Variants in FGF14 observed in about 807,000 individuals in gnomAD.
The protein encoded by FGF14 is fibroblast growth factor homologous factor 4.
In FGF14, 5 loss-of-function variants were observed where a neutral mutation model predicts 25.5. The observed-to-expected ratio is 0.20, with a 90% confidence interval of 0.10 to 0.41. FGF14 has a LOEUF of 0.41. Among genes scored for constraint, FGF14 ranks in the 10% least tolerant of loss-of-function variants. The pLI is 1.00. For synonymous variants in FGF14, 138 were observed against 118.3 expected (o/e 1.17, Z -1.08); for missense variants, 222 against 320.1 (o/e 0.69, Z 2.34).
intron 1 of FGF14, among the ~76,000 whole-genome samples, chr13:102,288,721 G>A (rs7996411): frequency 1.3e-5 from 2 of 151,746 alleles, no homozygotes. Context: ...AGTAGCTGAG[G>A]TTACAGGCGC....
At position 101,875,316 on chromosome 13, in the gene FGF14, A is replaced by G. The variant is rs367892182; in HGVS notation, c.194-20T>C. On this transcript the variant is annotated intron_variant, in intron 1 of 4. Transcript: ENST00000376143. Reference sequence around the variant, plus strand: ...GGGGATCTGAAAGGCAAACATAGTTATCATAAGCCTCACAATGTGTCACCA... The same window carrying G: ...GGGGATCTGAAAGGCAAACATAGTTGTCATAAGCCTCACAATGTGTCACCA... The G allele has an allele frequency of 4.6e-6, 7 of 1,512,542 alleles. No individual in the cohort carries two copies. The highest frequency in any genetic ancestry group is 6.4e-6 in the Non-Finnish European group (7 of 1,087,594). 93.7% of individuals were successfully genotyped at this position (1,512,542 alleles called of 1,614,324 possible). A position where few individuals can be genotyped will look rare whatever the true frequency, so the allele number is the denominator to read the frequency against.
chr13:101,912,928 A>C (rs1476429503), intron 1 of FGF14, among the ~76,000 whole-genome samples: 2 of 152,152 alleles, frequency 1.3e-5, no homozygotes, highest in African/African-American at 4.8e-5. Context: ...TTGAGAGCCT[A>C]TGAAGATGCA....
intron 1 of FGF14, among the ~76,000 whole-genome samples, chr13:102,169,169 C>T (rs1304143256): frequency 6.6e-6 from 1 of 151,518 alleles, no homozygotes; most frequent in Non-Finnish European, 1.5e-5. Context: ...TTTAAGTCAG[C>T]AAGGCTGCTC....
At chr13:101,838,209 T>C (rs899012043) in intron 3 of FGF14, among the ~76,000 whole-genome samples, 1 of 151,994 alleles carries the variant, frequency 6.6e-6, no homozygotes, top group Non-Finnish European at 1.5e-5. Flanking sequence ...AACCTTGACA[T>C]ATACAGTCCT....
At chr13:101,824,087 T>C (rs1321666873) in intron 3 of FGF14, among the ~76,000 whole-genome samples, 1 of 152,166 alleles carries the variant, frequency 6.6e-6, no homozygotes, top group Non-Finnish European at 1.5e-5. Flanking sequence ...ATATTATTTG[T>C]CCAAAGTACT....
At chr13:101,902,738 G>C (rs752433253) in intron 1 of FGF14, among the ~76,000 whole-genome samples, 2 of 152,074 alleles carry the variant, frequency 1.3e-5, no homozygotes, top group African/African-American at 2.4e-5. Flanking sequence ...GTTTTATCAA[G>C]GGATGTCTTT....
intron 1 of FGF14, among the ~76,000 whole-genome samples, chr13:102,253,059 C>T (rs189985099): frequency 6.6e-6 from 1 of 152,286 alleles, no homozygotes; most frequent in Non-Finnish European, 1.5e-5. Context: ...ATTCTTTATC[C>T]AGTCTATAAT....
intron 1 of FGF14, chr13:102,002,882 G>T (rs528149946): frequency 3.3e-5 from 5 of 152,004 alleles, no homozygotes; most frequent in African/African-American, 1.2e-4. Flanking sequence ...AAACCCAACA[G>T]ATGATATGGG....
intron 1 of FGF14, among the ~76,000 whole-genome samples, chr13:102,234,120 T>C (rs572817289): frequency 6.6e-6 from 1 of 152,174 alleles, no homozygotes; most frequent in East Asian, 1.9e-4. Flanking sequence ...AGATGGAAGG[T>C]GGTGATGGTT....
At chr13:101,938,155 G>A (rs1340531208) in intron 1 of FGF14, among the ~76,000 whole-genome samples, 1 of 152,158 alleles carries the variant, frequency 6.6e-6, no homozygotes, top group Non-Finnish European at 1.5e-5. Context: ...GGTCGGAATG[G>A]TCAACCCATC....
At chr13:102,206,037 A>G (rs11616430) in intron 1 of FGF14, among the ~76,000 whole-genome samples, 1 of 115,584 alleles carries the variant, frequency 8.7e-6, no homozygotes, top group Admixed American at 9.9e-5. Flanking sequence ...AAAAAAAAGC[A>G]TTAGATTCCA....
chr13:101,733,052 T>A (rs2035914917), intron 3 of FGF14, among the ~76,000 whole-genome samples: 1 of 152,200 alleles, frequency 6.6e-6, no homozygotes, highest in Admixed American at 6.5e-5. Flanking sequence ...AGAGTACTCT[T>A]AAGATTACTT....
intron 1 of FGF14, among the ~76,000 whole-genome samples, chr13:102,244,382 C>T (rs2051752489): frequency 6.6e-6 from 1 of 151,746 alleles, no homozygotes; most frequent in East Asian, 1.9e-4. Flanking sequence ...TCTCTGGTTT[C>T]CTAGGGTTCT....
chr13:101,810,800 A>G (rs1412973659), intron 3 of FGF14, among the ~76,000 whole-genome samples: 4 of 152,074 alleles, frequency 2.6e-5, no homozygotes, highest in African/African-American at 9.7e-5. Flanking sequence ...AATATTTCTG[A>G]CTGTCTTGGA....
At chr13:102,080,361 C>T (rs1343464806) in intron 1 of FGF14, among the ~76,000 whole-genome samples, 2 of 152,110 alleles carry the variant, frequency 1.3e-5, no homozygotes, top group Non-Finnish European at 2.9e-5. Context: ...TGGGTGCCGG[C>T]GACGTCAAGG....
intron 1 of FGF14, among the ~76,000 whole-genome samples, chr13:101,888,127 T>C (rs538896677): frequency 1.2e-4 from 18 of 152,146 alleles, no homozygotes; most frequent in Admixed American, 3.9e-4. Context: ...CTGATGGCAG[T>C]CTGCAGGCAG....
At position 101,819,990 on chromosome 13, in the gene FGF14, C is replaced by T. The variant is rs142327364; in HGVS notation, c.408+48735G>A. Among the ~76,000 whole-genome samples, 119 of 152,296 alleles carry T rather than the reference C, an allele frequency of 7.8e-4. 1 individual carries two copies. Among genetic ancestry groups the T allele is most frequent in the African/African-American group, 2.6e-3 (109 of 41,546 alleles). ...CATCATTTTTCTCATCTAAGATCCA[C>T]AAGCTTTTGGAAAATCAGCTTTCCT... On this transcript the variant is annotated intron_variant, in intron 3 of 4. Transcript: ENST00000376143.
intron 1 of FGF14, among the ~76,000 whole-genome samples, chr13:101,890,186 A>G (rs1406540016): frequency 6.6e-6 from 1 of 152,188 alleles, no homozygotes; most frequent in Non-Finnish European, 1.5e-5. Flanking sequence ...CGAGGGCTTC[A>G]GTACTAGATA....
intron 1 of FGF14, among the ~76,000 whole-genome samples, chr13:101,988,467 C>T (rs1456496821): frequency 1.3e-5 from 2 of 151,888 alleles, no homozygotes; most frequent in African/African-American, 2.4e-5. Context: ...AAATGTCCAA[C>T]AACGATAGAC....
Sources: allele counts gnomAD v4.1 joint callset (sites outside exome capture counted in the v4.1 genomes callset), GRCh38; gene constraint gnomAD v4.1.1; transcripts MANE v1.5; gene names NCBI Gene and HGNC (gene_info 2026-07-23, HGNC 2026-07-21).